Variants in GABRG3 observed in about 807,000 individuals in gnomAD.
GABRG3 encodes the protein gamma-aminobutyric acid type A receptor subunit gamma3.
GABRG3 carries 25 observed loss-of-function variants against 48.8 expected under a neutral mutation model. The ratio of observed to expected loss-of-function variants is 0.51; its 90% CI spans 0.37 to 0.72. The LOEUF is 0.72. Among genes scored for constraint, GABRG3 ranks in the 30% least tolerant of loss-of-function variants. GABRG3 has a pLI of 0.00. For synonymous variants in GABRG3, 227 were observed against 217.6 expected, an observed-to-expected ratio of 1.04 and a Z score of -0.38; for missense variants, 394 against 577.9, an observed-to-expected ratio of 0.68 and a Z score of 3.26.
chr15:27,363,878 G>A (rs1895104861), intron 5 of GABRG3: 1 of 152,212 alleles, frequency 6.6e-6, no homozygotes, highest in Non-Finnish European at 1.5e-5. Context: ...AGACAGACAG[G>A]TTGTGGCAGT....
At chr15:27,482,988 C>T (rs1372404364) in intron 6 of GABRG3, 1 of 152,160 alleles carries the variant, frequency 6.6e-6, no homozygotes. Flanking sequence ...ATTGGGATAA[C>T]ATAAATATCA....
At chr15:27,246,799 T>C (rs2140456932) in intron 3 of GABRG3, among the ~76,000 whole-genome samples, 1 of 152,326 alleles carries the variant, frequency 6.6e-6, no homozygotes, top group East Asian at 1.9e-4. Flanking sequence ...AGAAAATTTC[T>C]CCTGTTTGTA....
chr15:27,079,680 T>C (rs1212412852), intron 3 of GABRG3, among the ~76,000 whole-genome samples: 3 of 152,152 alleles, frequency 2.0e-5, no homozygotes, highest in Non-Finnish European at 4.4e-5. Context: ...GGCCTTCTAT[T>C]CATGGACAGA....
intron 5 of GABRG3, among the ~76,000 whole-genome samples, chr15:27,330,789 C>A (rs762626665): frequency 5.3e-5 from 8 of 152,210 alleles, no homozygotes; most frequent in Non-Finnish European, 1.0e-4. Context: ...AGGAAGAAAT[C>A]TGGCATAGTA....
intron 3 of GABRG3, chr15:27,271,636 C>G (rs113057209): frequency 6.6e-6 from 3 of 455,752 alleles, no homozygotes; most frequent in African/African-American, 6.0e-5. Flanking sequence ...AATAAGCTGT[C>G]TGTAAGTACC....
At chr15:27,307,093 T>TATATAATATAAACATGTTTATATATAAAC (rs1892587014) in intron 3 of GABRG3, among the ~76,000 whole-genome samples, 1 of 119,736 alleles carries the variant, frequency 8.4e-6, no homozygotes. Flanking sequence ...TATATAAACA[T>TATATAATATAAACATGTTTATATATAAAC]ATAATATAAA....
chr15:27,498,288 A>G (rs967689281), intron 6 of GABRG3, among the ~76,000 whole-genome samples: 3 of 151,362 alleles, frequency 2.0e-5, no homozygotes, highest in African/African-American at 4.9e-5. Flanking sequence ...TTGCATTTCC[A>G]TAGCTAGTCT....
chr15:27,082,555 C>T (rs1380453276), intron 3 of GABRG3, among the ~76,000 whole-genome samples: 1 of 152,170 alleles, frequency 6.6e-6, no homozygotes, highest in Non-Finnish European at 1.5e-5. Flanking sequence ...TTAGAAGCCA[C>T]TTGGGCAAGG....
At chr15:27,340,432 CAT>C (rs1261246292) in intron 5 of GABRG3, 1 of 152,200 alleles carries the variant, frequency 6.6e-6, no homozygotes, top group African/African-American at 2.4e-5. Flanking sequence ...CACCAATGTA[CAT>C]ATGTCTGTGC....
At chr15:27,466,649 G>T (rs1186391624) in intron 5 of GABRG3, among the ~76,000 whole-genome samples, 1 of 152,174 alleles carries the variant, frequency 6.6e-6, no homozygotes, top group African/African-American at 2.4e-5. Flanking sequence ...GTAGACAAAA[G>T]GCTGTGCACA....
intron 3 of GABRG3, among the ~76,000 whole-genome samples, chr15:27,205,490 A>C (rs1320621677): frequency 6.6e-6 from 1 of 152,054 alleles, no homozygotes; most frequent in Non-Finnish European, 1.5e-5. Flanking sequence ...ATCTATGTTC[A>C]TCAGGTATAT....
intron 5 of GABRG3, among the ~76,000 whole-genome samples, chr15:27,355,683 A>T (rs973539756): frequency 6.6e-6 from 1 of 152,272 alleles, no homozygotes; most frequent in Non-Finnish European, 1.5e-5. Flanking sequence ...TGTGCATAGC[A>T]GCATTATTCA....
At chr15:27,045,146 C>T (rs1027994854) in intron 3 of GABRG3, among the ~76,000 whole-genome samples, 5 of 152,152 alleles carry the variant, frequency 3.3e-5, no homozygotes, top group African/African-American at 1.2e-4. Flanking sequence ...GAATGAGAAG[C>T]TCTGAAGCTG....
At chr15:27,090,174 A>G (rs1478917582) in intron 3 of GABRG3, among the ~76,000 whole-genome samples, 4 of 152,192 alleles carry the variant, frequency 2.6e-5, no homozygotes, top group Non-Finnish European at 5.9e-5. Context: ...TTCACTTTCA[A>G]TAAATTACAT....
chr15:27,229,262 T>G (rs1401482755), intron 3 of GABRG3, among the ~76,000 whole-genome samples: 2 of 152,222 alleles, frequency 1.3e-5, no homozygotes, highest in Non-Finnish European at 1.5e-5. Flanking sequence ...GGAAGGGAGT[T>G]CAGCTTCAAT....
At chr15:27,100,006 A>G (rs1897328706) in intron 3 of GABRG3, among the ~76,000 whole-genome samples, 1 of 152,028 alleles carries the variant, frequency 6.6e-6, no homozygotes, top group African/African-American at 2.4e-5. Flanking sequence ...CATGAGGCCA[A>G]GAGTTCGAGA....
At chr15:27,399,146 A>C (rs1249775017) in intron 5 of GABRG3, among the ~76,000 whole-genome samples, 1 of 152,240 alleles carries the variant, frequency 6.6e-6, no homozygotes, top group East Asian at 1.9e-4. Context: ...CATCAGCTAA[A>C]ATATGTTATT....
chr15:27,367,162 C>T (rs1391048651), intron 5 of GABRG3, among the ~76,000 whole-genome samples: 1 of 152,176 alleles, frequency 6.6e-6, no homozygotes, highest in African/African-American at 2.4e-5. Flanking sequence ...TTTCCATCCT[C>T]GTACCCTCCT....
intron 5 of GABRG3, among the ~76,000 whole-genome samples, chr15:27,436,111 G>A (rs1888601581): frequency 6.6e-6 from 1 of 152,204 alleles, no homozygotes; most frequent in African/African-American, 2.4e-5. Context: ...ACCAAAGACT[G>A]GGGGGCTTAA....
Sources: gnomAD v4.1 joint callset for allele counts (sites outside exome capture counted in the v4.1 genomes callset) on GRCh38, gnomAD v4.1.1 for gene constraint, MANE v1.5 for transcripts, NCBI Gene and HGNC (gene_info 2026-07-23, HGNC 2026-07-21) for gene names.